The following CSNK1G3 variants were observed in gnomAD, a reference collection of about 807,000 sequenced individuals.
CSNK1G3 encodes the protein casein kinase I isoform gamma-3.
A neutral mutation model predicts 64.3 loss-of-function variants in CSNK1G3; 23 were observed. The observed-to-expected ratio is 0.36, with a 90% CI of 0.26 to 0.51. The LOEUF (loss-of-function observed/expected upper bound fraction) is 0.51. CSNK1G3 is among the 20% of genes least tolerant of loss of function. The pLI, the probability that CSNK1G3 is intolerant of heterozygous loss-of-function variation, is 0.96. For missense variants in CSNK1G3, 357 were observed against 510.5 expected, an observed-to-expected ratio of 0.70 and a Z score of 2.90; for synonymous variants, 158 against 162.2, an observed-to-expected ratio of 0.97 and a Z score of 0.20.
chr5:123,574,859 C>G (rs1398074871), intron 5 of CSNK1G3, among the ~76,000 whole-genome samples: 1 of 152,032 alleles, frequency 6.6e-6, no homozygotes, highest in East Asian at 1.9e-4. Context: ...AACCAACCAA[C>G]TGCCCCCAAA....
At chr5:123,575,673 G>A (rs1222323234) in intron 5 of CSNK1G3, 56 bp from the exon 6 acceptor site, 2 of 1,034,230 alleles carry the variant, frequency 1.9e-6, no homozygotes, top group African/African-American at 3.2e-5. Flanking sequence ...TATCATACTT[G>A]CTTAGGCTAG....
chr5:123,609,946 G>A (rs1316203838), intron 12 of CSNK1G3, among the ~76,000 whole-genome samples: 1 of 152,156 alleles, frequency 6.6e-6, no homozygotes, highest in East Asian at 1.9e-4. Context: ...ATGGCAGATT[G>A]GAGAGAGGAG....
intron 5 of CSNK1G3, among the ~76,000 whole-genome samples, chr5:123,574,110 A>G (rs1788679702): frequency 2.0e-5 from 3 of 152,134 alleles, no homozygotes; most frequent in Admixed American, 6.5e-5. Context: ...TGGCCTTCCA[A>G]AGTTCTGGGA....
exon 13 of CSNK1G3, chr5:123,614,559 T>TA: frequency 5.4e-6 from 3 of 560,188 alleles, no homozygotes; most frequent in Non-Finnish European, 3.0e-6. Flanking sequence ...ACATTCTTTT[T>TA]CTTTTTTTTT....
intron 1 of CSNK1G3, among the ~76,000 whole-genome samples, chr5:123,538,548 A>G (rs1781190910): frequency 1.3e-5 from 2 of 152,144 alleles, no homozygotes; most frequent in Non-Finnish European, 1.5e-5. Context: ...ACATGGACAC[A>G]GGGAGGGGAA....
chr5:123,545,557 T>G, exon 2 of CSNK1G3: 1 of 812,644 alleles, frequency 1.2e-6, no homozygotes, highest in Non-Finnish European at 1.9e-6. Flanking sequence ...AATGTTAACA[T>G]TACCCATCTG....
intron 4 of CSNK1G3, among the ~76,000 whole-genome samples, chr5:123,566,956 G>A (rs545400985): frequency 3.3e-5 from 5 of 152,158 alleles, no homozygotes; most frequent in Middle Eastern, 3.4e-3. Flanking sequence ...GTATTCGTCC[G>A]TTTTCTTGCT....
At chr5:123,534,879 A>G (rs1031275645) in intron 1 of CSNK1G3, among the ~76,000 whole-genome samples, 7 of 152,146 alleles carry the variant, frequency 4.6e-5, no homozygotes, top group African/African-American at 1.7e-4. Context: ...ATAGAAAACT[A>G]ATACATTTGG....
chr5:123,579,210 C>G (rs975004036), intron 6 of CSNK1G3, among the ~76,000 whole-genome samples: 4 of 151,642 alleles, frequency 2.6e-5, no homozygotes, highest in African/African-American at 9.7e-5. Context: ...TGGCATCTTT[C>G]CTAACAGCTG....
rs541702788 is a variant in CSNK1G3 at position 123,550,706 on chromosome 5, C to T, written c.179-2401C>T. 2.5e-4 allele frequency among the ~76,000 whole-genome samples: 38 copies of T among 152,254 alleles called. No individual in the cohort carries two copies. In the South Asian group the frequency reaches 7.5e-3, roughly 30 times the overall value. ...AAATTGGATTAAAACATCACTTAAC[C>T]GGCACCAGTTTACTTGGATTTTTCT... On this transcript the variant is annotated intron_variant, in intron 2 of 12. Coordinates refer to ENST00000345990, the Ensembl canonical transcript of CSNK1G3.
At chr5:123,528,367 A>G (rs1779404582) in intron 1 of CSNK1G3, among the ~76,000 whole-genome samples, 2 of 152,066 alleles carry the variant, frequency 1.3e-5, no homozygotes, top group African/African-American at 4.8e-5. Flanking sequence ...AACATTCTTA[A>G]ATTTCTAAGA....
At chr5:123,568,350 G>A (rs566742867) in intron 4 of CSNK1G3, among the ~76,000 whole-genome samples, 1 of 152,096 alleles carries the variant, frequency 6.6e-6, no homozygotes, top group Non-Finnish European at 1.5e-5. Context: ...GCTTCTTCTC[G>A]GTCCAACCAC....
intron 2 of CSNK1G3, 43 bp from the exon 3 acceptor site, chr5:123,553,064 A>G (rs1211152830): frequency 1.8e-6 from 2 of 1,117,016 alleles, no homozygotes; most frequent in Admixed American, 5.3e-5. Flanking sequence ...TGTATCTTTA[A>G]AATCAATTAC....
chr5:123,612,118 A>G (rs1170276062), intron 12 of CSNK1G3, among the ~76,000 whole-genome samples: 1 of 152,200 alleles, frequency 6.6e-6, no homozygotes, highest in Non-Finnish European at 1.5e-5. Flanking sequence ...CCTCCATGAG[A>G]GTAAAGTTGA....
At position 123,554,376 on chromosome 5, in the gene CSNK1G3, A is replaced by T. The variant is rs114514442; in HGVS notation, c.219+1229A>T. The stretch of plus-strand genomic sequence containing the variant: ...TCACAGTAATCAGTTCACACTATCA[A>T]GCTCTCAGATTCAGGAAAGAGTGAA... On this transcript the variant is annotated intron_variant, in intron 3 of 12. Coordinates refer to ENST00000345990, the Ensembl canonical transcript of CSNK1G3. Among the ~76,000 whole-genome samples the T allele has an allele frequency of 1.1e-3, 165 of 152,294 alleles. 2 individuals carry two copies. The highest frequency in any genetic ancestry group is 3.6e-3 in the African/African-American group (151 of 41,570).
intron 6 of CSNK1G3, among the ~76,000 whole-genome samples, chr5:123,576,545 A>G (rs1789205137): frequency 6.6e-6 from 1 of 152,098 alleles, no homozygotes; most frequent in Non-Finnish European, 1.5e-5. Flanking sequence ...ACCCAGATTC[A>G]TATTTATCAT....
At chr5:123,590,486 G>A (rs745329466) in exon 9 of CSNK1G3, 6 of 1,539,526 alleles carry the variant, frequency 3.9e-6, no homozygotes, top group Non-Finnish European at 5.2e-6. Flanking sequence ...ACTTAAGAAA[G>A]CTTTTTACTG....
chr5:123,552,554 T>A (rs1020130752), intron 2 of CSNK1G3, among the ~76,000 whole-genome samples: 3 of 152,228 alleles, frequency 2.0e-5, no homozygotes, highest in Non-Finnish European at 4.4e-5. Context: ...TGTTGTAAGG[T>A]GAGGCACCAG....
At chr5:123,549,141 G>A (rs1017097551) in intron 2 of CSNK1G3, among the ~76,000 whole-genome samples, 6 of 152,164 alleles carry the variant, frequency 3.9e-5, no homozygotes, top group African/African-American at 1.4e-4. Flanking sequence ...TTCTGTGTTT[G>A]TAGTTTTATT....
Sources: allele counts gnomAD v4.1 joint callset (sites outside exome capture counted in the v4.1 genomes callset), GRCh38; gene constraint gnomAD v4.1.1; transcripts MANE v1.5; gene names NCBI Gene and HGNC (gene_info 2026-07-23, HGNC 2026-07-21).